Variants in CDYL2 observed in about 807,000 individuals in gnomAD.
The protein encoded by CDYL2 is chromodomain Y like 2.
CDYL2 carries 23 observed loss-of-function variants against 49.4 expected under a neutral mutation model. That is an observed-to-expected ratio of 0.47 (90% CI 0.34 to 0.66). The LOEUF is 0.66. CDYL2 is among the 30% of genes least tolerant of loss of function. CDYL2 has a pLI of 0.01. For synonymous variants in CDYL2, 360 were observed against 268.8 expected (o/e 1.34, Z -3.32); for missense variants, 678 against 656.4 (o/e 1.03, Z -0.36).
At chr16:80,793,373 G>A (rs1907670300) in intron 1 of CDYL2, among the ~76,000 whole-genome samples, 1 of 152,196 alleles carries the variant, frequency 6.6e-6, no homozygotes, top group African/African-American at 2.4e-5. Flanking sequence ...AGGCACTTTT[G>A]TTACCTAATA....
chr16:80,791,447 G>C (rs575295217), intron 1 of CDYL2, among the ~76,000 whole-genome samples: 2 of 152,192 alleles, frequency 1.3e-5, no homozygotes. Flanking sequence ...AGCTTACAAT[G>C]TAAGTGGGAG....
intron 1 of CDYL2, among the ~76,000 whole-genome samples, chr16:80,690,024 G>C (rs1025455050): frequency 1.3e-4 from 19 of 151,862 alleles, no homozygotes; most frequent in African/African-American, 4.6e-4. Context: ...CAGAGGCTGA[G>C]ACAGGAGAAT....
At chr16:80,737,026 G>C (rs1905557448) in intron 1 of CDYL2, among the ~76,000 whole-genome samples, 1 of 152,162 alleles carries the variant, frequency 6.6e-6, no homozygotes, top group Non-Finnish European at 1.5e-5. Flanking sequence ...GTGGGAGAAG[G>C]GCTCCTGTGG....
At chr16:80,621,656 A>G (rs1907090100) in intron 3 of CDYL2, among the ~76,000 whole-genome samples, 1 of 152,242 alleles carries the variant, frequency 6.6e-6, no homozygotes, top group Non-Finnish European at 1.5e-5. Flanking sequence ...CCTGGGAGGT[A>G]GTGATGAATT....
At chr16:80,705,352 G>A (rs576655440) in intron 1 of CDYL2, among the ~76,000 whole-genome samples, 131 of 152,360 alleles carry the variant, frequency 8.6e-4, no homozygotes, top group Non-Finnish European at 1.5e-3. Flanking sequence ...GAAGAACTAT[G>A]AGCGATGCTA....
intron 2 of CDYL2, among the ~76,000 whole-genome samples, chr16:80,661,733 T>C (rs1014724800): frequency 6.6e-6 from 1 of 152,186 alleles, no homozygotes; most frequent in Non-Finnish European, 1.5e-5. Flanking sequence ...AAAATGTGGA[T>C]GCCACATCTG....
chr16:80,721,520 G>C (rs895291253), intron 1 of CDYL2, among the ~76,000 whole-genome samples: 4 of 152,144 alleles, frequency 2.6e-5, no homozygotes, highest in Non-Finnish European at 2.9e-5. Context: ...TGCTTCTTGA[G>C]CTCTGGGTTC....
chr16:80,791,646 G>A lies in CDYL2; in HGVS notation c.24+12504C>T, dbSNP rs997109407. ...CAAAAATGTGACAAGGATTGGTAAC[G>A]GACAGTGTCCCAGTCATTTGGAAGG... On this transcript the variant is annotated intron_variant, in intron 1 of 6. Coordinates refer to ENST00000570137, the MANE Select transcript of CDYL2 (RefSeq NM_152342.4). 5.9e-5 allele frequency among the ~76,000 whole-genome samples: 9 copies of A among 152,236 alleles called. 1 individual carries two copies. Among genetic ancestry groups the A allele is most frequent in the African/African-American group, 1.2e-4 (5 of 41,542 alleles).
intron 2 of CDYL2, among the ~76,000 whole-genome samples, chr16:80,645,512 T>C (rs981868074): frequency 2.6e-5 from 4 of 152,108 alleles, no homozygotes; most frequent in East Asian, 1.9e-4. Flanking sequence ...TGTGGAGAAA[T>C]AGGAACACTT....
chr16:80,599,456 A>G lies in CDYL2; in HGVS notation c.*4932T>C, dbSNP rs1905983834. Reference sequence around the variant, plus strand: ...GCTCCATGATTTATGTTCTAGAAAAACAGTCCTGGATAGACATATTCAGCT... The same window carrying G: ...GCTCCATGATTTATGTTCTAGAAAAGCAGTCCTGGATAGACATATTCAGCT... On this transcript the variant is annotated 3_prime_UTR_variant, in exon 7 of 7. Coordinates refer to ENST00000570137, the MANE Select transcript of CDYL2 (RefSeq NM_152342.4). 6.6e-6 allele frequency: 1 copy of G among 152,182 alleles called. No individual in the cohort carries two copies. Among genetic ancestry groups the G allele is most frequent in the Admixed American group, 6.5e-5 (1 of 15,276 alleles). 9.4% of individuals were successfully genotyped at this position (152,182 alleles called of 1,614,324 possible).
rs533171121 is a variant in CDYL2 at position 80,602,174 on chromosome 16, T to C, written c.*2214A>G. The C allele has an allele frequency of 1.3e-5, 2 of 152,314 alleles. No homozygotes were observed. The highest frequency in any genetic ancestry group is 1.9e-4 in the East Asian group (1 of 5,182). The allele number at this position is 152,314 out of a possible 1,614,324, so 9.4% of individuals were successfully genotyped here. ...TCTAAGGGTTTTGGAAAGCTCACATTTGCTTTCTCAAAGGAGGAGATAAGA... is the reference window on the plus strand; with the variant it reads ...TCTAAGGGTTTTGGAAAGCTCACATCTGCTTTCTCAAAGGAGGAGATAAGA... On this transcript the variant is annotated 3_prime_UTR_variant, in exon 7 of 7. Coordinates refer to ENST00000570137, the MANE Select transcript of CDYL2 (RefSeq NM_152342.4).
chr16:80,663,794 T>C (rs1044467557), intron 2 of CDYL2, among the ~76,000 whole-genome samples: 2 of 152,196 alleles, frequency 1.3e-5, no homozygotes, highest in African/African-American at 4.8e-5. Flanking sequence ...GGTTTCACCA[T>C]GTTGCCCAGA....
chr16:80,623,200 G>A (rs1490186061), intron 3 of CDYL2, among the ~76,000 whole-genome samples: 2 of 151,926 alleles, frequency 1.3e-5, no homozygotes, highest in African/African-American at 2.4e-5. Context: ...CAGCCCCGAC[G>A]TATGACAGGG....
intron 1 of CDYL2, among the ~76,000 whole-genome samples, chr16:80,750,888 C>T (rs1410131723): frequency 2.0e-5 from 3 of 152,026 alleles, no homozygotes; most frequent in Admixed American, 6.6e-5. Flanking sequence ...GGCGTGGTGG[C>T]GGGGGCCTGC....
intron 1 of CDYL2, among the ~76,000 whole-genome samples, chr16:80,701,921 G>T (rs1904303305): frequency 6.6e-6 from 1 of 152,188 alleles, no homozygotes; most frequent in Non-Finnish European, 1.5e-5. Flanking sequence ...ACTTGTGAGT[G>T]TAGCATTAGG....
chr16:80,703,091 C>T (rs1169341958), intron 1 of CDYL2, among the ~76,000 whole-genome samples: 1 of 151,782 alleles, frequency 6.6e-6, no homozygotes, highest in African/African-American at 2.4e-5. Flanking sequence ...AATAGGAAAC[C>T]CCATTAACAG....
Position 80,641,827 on chromosome 16 carries a change from A to G in CDYL2, c.617-8591T>C, listed in dbSNP as rs371392765. On this transcript the variant is annotated intron_variant, in intron 2 of 6. Coordinates refer to ENST00000570137, the MANE Select transcript of CDYL2 (RefSeq NM_152342.4). Reference sequence around the variant, plus strand: ...ACGAGTTAACGGGTGCAGCACACCAACATGGCACATGTATACATATGTAAC... The same window carrying G: ...ACGAGTTAACGGGTGCAGCACACCAGCATGGCACATGTATACATATGTAAC... 7.2e-5 allele frequency among the ~76,000 whole-genome samples: 11 copies of G among 151,992 alleles called. No homozygotes were observed. The South Asian group carries it at 2.1e-3, about 29-fold the overall frequency.
At chr16:80,643,887 G>C (rs1245429035) in intron 2 of CDYL2, among the ~76,000 whole-genome samples, 1 of 152,214 alleles carries the variant, frequency 6.6e-6, no homozygotes, top group Non-Finnish European at 1.5e-5. Flanking sequence ...AAACCCCGCA[G>C]ACATCTTCCC....
At chr16:80,804,125 G>C in intron 1 of CDYL2, 25 bp downstream of exon 1, 1 of 1,148,174 alleles carries the variant, frequency 8.7e-7, no homozygotes. Context: ...GACTGGGGCC[G>C]GCCCGCGCCC....
Sources: allele counts gnomAD v4.1 joint callset (sites outside exome capture counted in the v4.1 genomes callset), GRCh38; gene constraint gnomAD v4.1.1; transcripts MANE v1.5; gene names NCBI Gene and HGNC (gene_info 2026-07-23, HGNC 2026-07-21).